The following ZNF732 variants were observed in gnomAD, a reference collection of about 807,000 sequenced individuals.
ZNF732 encodes the protein zinc finger protein LOC654254.
A neutral mutation model predicts 11.5 loss-of-function variants in ZNF732; 12 were observed. The observed-to-expected ratio is 1.05, with a 90% confidence interval of 0.67 to 1.70. The LOEUF is 1.70. ZNF732 is among the 40% of genes most tolerant of loss of function. The pLI, the probability that ZNF732 is intolerant of heterozygous loss-of-function variation, is 0.00. For missense variants in ZNF732, 702 were observed against 676.9 expected (o/e 1.04, Z -0.41); for synonymous variants, 231 against 236.5 (o/e 0.98, Z 0.21).
At chr4:290,785 C>T (rs1553841247) in intron 3 of ZNF732, among the ~76,000 whole-genome samples, 1 of 152,172 alleles carries the variant, frequency 6.6e-6, no homozygotes, top group Non-Finnish European at 1.5e-5. Flanking sequence ...GCAACACAAC[C>T]ATCAAAGACA....
At position 290,300 on chromosome 4, in the gene ZNF732, GCA is replaced by G. The variant is rs551098439; in HGVS notation, c.226+5136_226+5137del. On this transcript the variant is annotated intron_variant, in intron 3 of 3. Coordinates refer to ENST00000419098, the MANE Select transcript of ZNF732 (RefSeq NM_001137608.3). ...ACATAGCTACAGACAAGGAAATTAT[GCA>G]CAGAGTTTGGTCTTACTGAGGATTC... is the stretch of plus-strand genomic sequence containing the variant. 1.3e-3 allele frequency among the ~76,000 whole-genome samples: 199 copies of G among 152,322 alleles called. 2 individuals carry two copies. The highest frequency in any genetic ancestry group is 4.7e-3 in the African/African-American group (194 of 41,584).
rs1719408039 is a variant in ZNF732, at chr4:272,452, A to G, written c.405T>C (p.Thr135=). The change falls in exon 4 of 4, where the codon ACT becomes ACC. Residue 135 remains threonine, a synonymous_variant. Coordinates refer to ENST00000419098, the MANE Select transcript of ZNF732 (RefSeq NM_001137608.3). ...GYNEFNQCLS[T]IQSKIFQCNV... The stretch of plus-strand genomic sequence containing the variant: ...TACACTGAAATATTTTGCTCTGGAT[A>G]GTTGACAAGCATTGATTAAATTCAT... 3 of 1,600,824 alleles carry G rather than the reference A, an allele frequency of 1.9e-6. No individual in the cohort carries two copies. Among genetic ancestry groups the G allele is most frequent in the Non-Finnish European group, 2.6e-6 (3 of 1,172,662 alleles).
At chr4:294,811 A>C (rs1382769847) in intron 3 of ZNF732, among the ~76,000 whole-genome samples, 2 of 152,340 alleles carry the variant, frequency 1.3e-5, no homozygotes, top group East Asian at 3.9e-4. Flanking sequence ...ATAATTTGAA[A>C]ATTTTCACAT....
chr4:295,391 C>T (rs533009467), intron 3 of ZNF732, 47 bp downstream of exon 3: 1 of 1,487,804 alleles, frequency 6.7e-7, no homozygotes, highest in South Asian at 1.2e-5. Context: ...TCCTTCTGGA[C>T]CTTGGTCCCC....
chr4:296,817 T>C (rs545898754), intron 1 of ZNF732, among the ~76,000 whole-genome samples: 44 of 152,278 alleles, frequency 2.9e-4, no homozygotes, highest in Non-Finnish European at 5.1e-4. Flanking sequence ...AGGCACAGCA[T>C]AGAGTCCCTT....
chr4:299,669 AT>A (rs1431421246), intron 1 of ZNF732, among the ~76,000 whole-genome samples: 1 of 140,844 alleles, frequency 7.1e-6, no homozygotes, highest in Non-Finnish European at 1.5e-5. Context: ...TATATATATA[AT>A]TTTTATATAC....
chr4:275,910 AGTAG>A (rs1719484970), intron 3 of ZNF732, among the ~76,000 whole-genome samples: 1 of 151,798 alleles, frequency 6.6e-6, no homozygotes, highest in South Asian at 2.1e-4. Flanking sequence ...AAACAGAAAA[AGTAG>A]GTAGTTATAT....
At chr4:304,138 T>C (rs1262503048) in intron 1 of ZNF732, among the ~76,000 whole-genome samples, 2 of 152,106 alleles carry the variant, frequency 1.3e-5, no homozygotes, top group African/African-American at 4.8e-5. Context: ...GGAGCAAAGC[T>C]GTCACGGGCA....
chr4:304,297 C>T (rs556043627), intron 1 of ZNF732, among the ~76,000 whole-genome samples: 13,464 of 148,816 alleles, frequency 0.09, 656 homozygotes, highest in Middle Eastern at 0.15. Context: ...CTCTAAGTTC[C>T]CAGTCCCTTC....
intron 3 of ZNF732, among the ~76,000 whole-genome samples, chr4:292,881 C>T (rs1351389030): frequency 1.9e-5 from 1 of 53,882 alleles, no homozygotes; most frequent in Non-Finnish European, 3.3e-5. Flanking sequence ...TCTGTCTCTA[C>T]TAAAAACACA....
chr4:286,117 G>A (rs965435072), intron 3 of ZNF732, among the ~76,000 whole-genome samples: 3 of 152,188 alleles, frequency 2.0e-5, no homozygotes, highest in Non-Finnish European at 4.4e-5. Context: ...ACTTTAAATT[G>A]CAGCAGCTAT....
intron 1 of ZNF732, among the ~76,000 whole-genome samples, chr4:299,525 GTA>G (rs1470513310): frequency 8.3e-6 from 1 of 120,872 alleles, no homozygotes; most frequent in Non-Finnish European, 1.7e-5. Flanking sequence ...GTATATATGT[GTA>G]TATATACATA....
At chr4:294,879 A>G (rs1351877268) in intron 3 of ZNF732, among the ~76,000 whole-genome samples, 2 of 152,212 alleles carry the variant, frequency 1.3e-5, no homozygotes, top group African/African-American at 4.8e-5. Context: ...CTGAAGTAAC[A>G]TTACATTTTT....
At chr4:282,596 G>A (rs782160869) in intron 3 of ZNF732, among the ~76,000 whole-genome samples, 1 of 152,112 alleles carries the variant, frequency 6.6e-6, no homozygotes, top group African/African-American at 2.4e-5. Context: ...AGCTACTTGG[G>A]AGGCTGATAT....
intron 3 of ZNF732, among the ~76,000 whole-genome samples, chr4:280,062 T>C (rs562777052): frequency 6.6e-6 from 1 of 150,686 alleles, no homozygotes; most frequent in East Asian, 1.9e-4. Flanking sequence ...AAAATTACCA[T>C]ACAAATATGA....
chr4:299,674 T>TA (rs1194030298), intron 1 of ZNF732, among the ~76,000 whole-genome samples: 79 of 143,508 alleles, frequency 5.5e-4, no homozygotes, highest in African/African-American at 1.9e-3. Flanking sequence ...ATATAATTTT[T>TA]ATATACATAA....
chr4:299,568 T>C (rs1296086423), intron 1 of ZNF732, among the ~76,000 whole-genome samples: 1 of 140,318 alleles, frequency 7.1e-6, no homozygotes, highest in Non-Finnish European at 1.5e-5. Flanking sequence ...TATATAGTTT[T>C]ATATATATAA....
At chr4:295,879 C>CT in intron 2 of ZNF732, 150 bp downstream of exon 2, 1 of 1,033,202 alleles carries the variant, frequency 9.7e-7, no homozygotes, top group Non-Finnish European at 1.4e-6. Context: ...TCTTAATATT[C>CT]TTTTTTACAC....
At chr4:282,079 C>T (rs1339286213) in intron 3 of ZNF732, among the ~76,000 whole-genome samples, 2 of 152,090 alleles carry the variant, frequency 1.3e-5, no homozygotes, top group Non-Finnish European at 2.9e-5. Flanking sequence ...AAAGCTTTAA[C>T]AGGAGACTCA....
Sources: gnomAD v4.1 joint callset for allele counts (sites outside exome capture counted in the v4.1 genomes callset) on GRCh38, gnomAD v4.1.1 for gene constraint, MANE v1.5 for transcripts, NCBI Gene and HGNC (gene_info 2026-07-23, HGNC 2026-07-21) for gene names.